ACSL6: variants seen among roughly 807,000 people sequenced by gnomAD.
ACSL6 encodes long-chain-fatty-acid--CoA ligase 6.
Under a neutral mutation model 98.2 loss-of-function variants are expected in ACSL6, and 47 were observed. That is an observed-to-expected ratio of 0.48 (90% confidence interval 0.38 to 0.61). ACSL6 has a LOEUF of 0.61. ACSL6 is among the 20% of genes least tolerant of loss of function. The probability of loss-of-function intolerance (pLI) is 0.00; values close to 1 mark genes in which losing one functional copy is unlikely to be tolerated. For synonymous variants in ACSL6, 362 were observed against 336.9 expected (o/e 1.07, Z -0.82); for missense variants, 761 against 913.4 (o/e 0.83, Z 2.15).
In ACSL6 at chr5:131,989,524, G is replaced by C; in HGVS notation, c.451-16C>G. On this transcript the variant is annotated splice_polypyrimidine_tract_variant and intron_variant, in intron 4 of 20. Transcript: ENST00000651883. The stretch of plus-strand genomic sequence containing the variant: ...TGTCGGCCACCTGCACACAGATGTG[G>C]GGAAGTGATGGGAAAACAAGGACTC... The C allele has an allele frequency of 6.3e-7, 1 of 1,593,740 alleles. No homozygotes were observed. The highest frequency in any genetic ancestry group is 8.6e-7 in the Non-Finnish European group (1 of 1,164,222).
chr5:131,994,245 A>T lies in ACSL6; in HGVS notation c.56T>A (p.Val19Asp). ...CTGCATCTTCTCCAGAAGTGAGAGG[A>T]CAAACTCTGTTGAAAACAAGAGTCA... ...GGSLWLFVEF[V>D]LSLLEKMQTQ... Residue 19 changes from valine to aspartate, a missense_variant, in exon 2 of 21, where the codon GTC becomes GAC. Coordinates refer to ENST00000651883, the MANE Select transcript of ACSL6 (RefSeq NM_001009185.3). 1 of 1,609,050 alleles carries T rather than the reference A, an allele frequency of 6.2e-7. No individual in the cohort carries two copies. Among genetic ancestry groups the T allele is most frequent in the Non-Finnish European group, 8.5e-7 (1 of 1,177,482 alleles).
rs190914174 is a variant in ACSL6 at position 131,973,374 on chromosome 5, A to G, written c.1095T>C (p.Arg365=). 52 of 1,614,154 alleles carry G rather than the reference A, an allele frequency of 3.2e-5. 1 individual carries two copies. The East Asian group carries it at 8.9e-4, about 28-fold the overall frequency. ...GGATATCTCCCTGGAAGAAGCCAAC[A>G]CGCCCTCCGTGGCAATAGACGACAG... is the stretch of plus-strand genomic sequence containing the variant. The part of the protein sequence containing the change: ...IQSVVYCHGG[R]VGFFQGDIRL... Residue 365 remains arginine, a synonymous_variant, in exon 12 of 21, where the codon CGT becomes CGC. Transcript: ENST00000651883.
chr5:131,951,263 A>C lies in ACSL6; in HGVS notation c.*2971T>G, dbSNP rs1042823076. Reference sequence around the variant, plus strand: ...GCCCAATATGAATGTGACCATCGTAAGTACATCACCTTTTTCTATCTCTGT... The same window carrying C: ...GCCCAATATGAATGTGACCATCGTACGTACATCACCTTTTTCTATCTCTGT... On this transcript the variant is annotated 3_prime_UTR_variant, in exon 21 of 21. Coordinates refer to ENST00000651883, the MANE Select transcript of ACSL6 (RefSeq NM_001009185.3). 1 of 211,310 alleles carries C rather than the reference A, an allele frequency of 4.7e-6. No individual in the cohort carries two copies. Among genetic ancestry groups the C allele is most frequent in the Non-Finnish European group, 9.6e-6 (1 of 104,296 alleles). 13.1% of individuals were successfully genotyped at this position (211,310 alleles called of 1,614,324 possible).
intron 1 of ACSL6, among the ~76,000 whole-genome samples, chr5:132,003,396 T>C (rs644713): frequency 0.79 from 120,796 of 152,128 alleles, 48,390 homozygotes; most frequent in Non-Finnish European, 0.84. Flanking sequence ...AGAGTTAACA[T>C]TAGACTGGAG....
intron 13 of ACSL6, among the ~76,000 whole-genome samples, chr5:131,972,067 C>G (rs1753337465): frequency 6.6e-6 from 1 of 152,080 alleles, no homozygotes; most frequent in South Asian, 2.1e-4. Context: ...AAATCAATAC[C>G]ATGCTTTATT....
chr5:131,990,901 C>T lies in ACSL6; in HGVS notation c.337G>A (p.Asp113Asn), dbSNP rs1754471322. ...GPQLLTHYYD[D>N]ARTMYQVFRR... ...AACACCTGGTACATGGTCCGGGCAT[C>T]ATCATAGTAGTGGGTAAGTAGCTGA... The change falls in exon 3 of 21, where the codon GAT (aspartate) becomes AAT (asparagine). Residue 113 changes from aspartate to asparagine, a missense_variant. Transcript: ENST00000651883. The T allele has an allele frequency of 6.2e-7, 1 of 1,613,994 alleles. No homozygotes were observed. Among genetic ancestry groups the T allele is most frequent in the Non-Finnish European group, 8.5e-7 (1 of 1,180,010 alleles).
chr5:131,968,813 T>C lies in ACSL6; in HGVS notation c.1508-785A>G, dbSNP rs143803385. Among the ~76,000 whole-genome samples the C allele has an allele frequency of 3.7e-3, 566 of 152,332 alleles. 4 individuals are homozygous for C. Among genetic ancestry groups the C allele is most frequent in the African/African-American group, 0.013 (535 of 41,572 alleles). ...TATATGAAAAATGAGGCTTACCACCTTGGTTTCTCTTTTAAAAGAGAGGCT... is the reference window on the plus strand; with the variant it reads ...TATATGAAAAATGAGGCTTACCACCCTGGTTTCTCTTTTAAAAGAGAGGCT... On this transcript the variant is annotated intron_variant, in intron 15 of 20. Transcript: ENST00000651883.
intron 17 of ACSL6, among the ~76,000 whole-genome samples, chr5:131,965,930 G>A (rs1262159685): frequency 6.6e-6 from 1 of 152,170 alleles, no homozygotes; most frequent in Non-Finnish European, 1.5e-5. Flanking sequence ...ACGGGGATGA[G>A]GCTCTGCTCA....
chr5:131,974,728 G>C lies in ACSL6; in HGVS notation c.1068+165C>G, dbSNP rs1338339208. 3 of 1,588,668 alleles carry C rather than the reference G, an allele frequency of 1.9e-6. 1 individual carries two copies. The highest frequency in any genetic ancestry group is 2.3e-5 in the South Asian group (2 of 87,436). ...GCTAGGGTTATGGGTTCTAGGCACA[G>C]AGTGTGCCTCCCTGATGCCAGGGCC... On this transcript the variant is annotated intron_variant, in intron 11 of 20. Coordinates refer to ENST00000651883, the MANE Select transcript of ACSL6 (RefSeq NM_001009185.3).
intron 2 of ACSL6, among the ~76,000 whole-genome samples, chr5:131,991,265 C>A (rs971579183): frequency 2.0e-5 from 3 of 152,154 alleles, no homozygotes; most frequent in African/African-American, 7.2e-5. Flanking sequence ...TCAGCATATG[C>A]AGAATGTCCA....
chr5:131,998,436 T>C (rs912688430), intron 1 of ACSL6, among the ~76,000 whole-genome samples: 15 of 152,294 alleles, frequency 9.8e-5, no homozygotes, highest in South Asian at 2.1e-4. Context: ...CACCTCAGCA[T>C]GGCCTCTGCT....
intron 9 of ACSL6, among the ~76,000 whole-genome samples, chr5:131,980,404 A>G (rs1753829690): frequency 6.6e-6 from 1 of 152,208 alleles, no homozygotes; most frequent in Non-Finnish European, 1.5e-5. Flanking sequence ...TGTGCTGGGC[A>G]CTTCATACAT....
In ACSL6 at chr5:131,990,895, G is replaced by A. The variant is rs191256141; in HGVS notation, c.343C>T (p.Arg115Trp). 30 of 1,613,850 alleles carry A rather than the reference G, an allele frequency of 1.9e-5. No individual in the cohort carries two copies. The highest frequency in any genetic ancestry group is 4.5e-5 in the East Asian group (2 of 44,868). ...CGGCGGAACACCTGGTACATGGTCC[G>A]GGCATCATCATAGTAGTGGGTAAGT... ...QLLTHYYDDARTMYQVFRRGL... is the reference protein window; with the variant it reads ...QLLTHYYDDAWTMYQVFRRGL... Residue 115 changes from arginine (R) to tryptophan (W), a missense_variant, in exon 3 of 21, where the codon CGG (arginine) becomes TGG (tryptophan). Physicochemically the swap from Arg to Trp is moderately radical, Grantham distance 101. Transcript: ENST00000651883.
chr5:131,992,111 C>A (rs1754556638), intron 2 of ACSL6, among the ~76,000 whole-genome samples: 1 of 152,150 alleles, frequency 6.6e-6, no homozygotes, highest in Non-Finnish European at 1.5e-5. Context: ...GGTTGCCGGA[C>A]AGAGTGAGGA....
Position 131,952,999 on chromosome 5 carries a change from A to G in ACSL6, c.*1235T>C, listed in dbSNP as rs1396399003. Reference sequence around the variant, plus strand: ...TTACAACCATATAGGGTTTCCAGGCATAGCATGGGCACATTGGGAATGGAA... The same window carrying G: ...TTACAACCATATAGGGTTTCCAGGCGTAGCATGGGCACATTGGGAATGGAA... On this transcript the variant is annotated 3_prime_UTR_variant, in exon 21 of 21. Coordinates refer to ENST00000651883, the MANE Select transcript of ACSL6 (RefSeq NM_001009185.3). The G allele has an allele frequency of 9.5e-6, 2 of 209,582 alleles. No homozygotes were observed. Among genetic ancestry groups the G allele is most frequent in the Non-Finnish European group, 1.9e-5 (2 of 103,300 alleles). The allele number at this position is 209,582 out of a possible 1,614,324, so 13.0% of individuals were successfully genotyped here. A position where few individuals can be genotyped will look rare whatever the true frequency, so the allele number is the denominator to read the frequency against.
intron 1 of ACSL6, chr5:132,001,929 AACAGAT>A (rs1677383245): frequency 6.6e-6 from 1 of 152,214 alleles, no homozygotes; most frequent in African/African-American, 2.4e-5. Context: ...CAGAGGAGCA[AACAGAT>A]ACACAGTGTC....
At position 131,971,602 on chromosome 5, in the gene ACSL6, G is replaced by A; in HGVS notation, c.1382C>T (p.Ala461Val). 1.2e-6 allele frequency: 2 copies of A among 1,612,452 alleles called. No homozygotes were observed. The highest frequency in any genetic ancestry group is 8.5e-7 in the Non-Finnish European group (1 of 1,179,196). ...TCCCAGAACTGTTGGTGATGCTGGGGCTGCTCCAGTAACAATCATCCGCAC... is the reference window on the plus strand; with the variant it reads ...TCCCAGAACTGTTGGTGATGCTGGGACTGCTCCAGTAACAATCATCCGCAC... ...GCVRMIVTGA[A>V]PASPTVLGFL... Residue 461 changes from alanine (A) to valine (V), a missense_variant, in exon 14 of 21, where the codon GCC becomes GTC. Transcript: ENST00000651883.
intron 3 of ACSL6, 30 bp downstream of exon 3, chr5:131,990,823 C>T (rs199669056): frequency 1.6e-5 from 23 of 1,468,100 alleles, no homozygotes; most frequent in Non-Finnish European, 2.0e-5. Context: ...CACACAGCCC[C>T]TCCACACCCC....
rs1276767392 is a variant in ACSL6 at position 131,950,749 on chromosome 5, A to G, written c.*3485T>C. The G allele has an allele frequency of 2.6e-5, 5 of 193,080 alleles. No homozygotes were observed. The highest frequency in any genetic ancestry group is 5.4e-5 in the Non-Finnish European group (5 of 92,540). The allele number at this position is 193,080 out of a possible 1,614,324, so 12.0% of individuals were successfully genotyped here. On this transcript the variant is annotated 3_prime_UTR_variant, in exon 21 of 21. Transcript: ENST00000651883. ...ATATTTCATTTTCTTTACTGCAGAAAAAGGAAAGGTTATTGGTTCTTTGAT... is the reference window on the plus strand; with the variant it reads ...ATATTTCATTTTCTTTACTGCAGAAGAAGGAAAGGTTATTGGTTCTTTGAT...
Sources: gnomAD v4.1 joint callset for allele counts (sites outside exome capture counted in the v4.1 genomes callset) on GRCh38, gnomAD v4.1.1 for gene constraint, MANE v1.5 for transcripts, NCBI Gene and HGNC (gene_info 2026-07-23, HGNC 2026-07-21) for gene names.